The following CDH12 variants were observed in gnomAD, a reference collection of about 807,000 sequenced individuals.
The protein encoded by CDH12 is cadherin 12, also known as cadherin-12.
In CDH12, 41 loss-of-function variants were observed where a neutral mutation model predicts 74.1. The ratio of observed to expected loss-of-function variants is 0.55; its 90% confidence interval spans 0.43 to 0.72. CDH12 has a LOEUF of 0.72. CDH12 is among the 30% of genes least tolerant of loss of function. The probability of loss-of-function intolerance (pLI) is 0.00; values close to 1 mark genes in which losing one functional copy is unlikely to be tolerated. For missense variants in CDH12, 945 were observed against 977.2 expected, an observed-to-expected ratio of 0.97 and a Z score of 0.44; for synonymous variants, 399 against 355.0, an observed-to-expected ratio of 1.12 and a Z score of -1.39.
At chr5:22,098,665 AC>A (rs2150247002) in intron 4 of CDH12, among the ~76,000 whole-genome samples, 1 of 152,300 alleles carries the variant, frequency 6.6e-6, no homozygotes, top group South Asian at 2.1e-4. Context: ...GCCCACAATT[AC>A]AATTGTTCCT....
intron 3 of CDH12, among the ~76,000 whole-genome samples, chr5:22,353,393 T>A (rs1740434371): frequency 6.6e-6 from 1 of 152,168 alleles, no homozygotes; most frequent in Non-Finnish European, 1.5e-5. Flanking sequence ...TTTCCCACAT[T>A]TAACAATTCT....
chr5:21,961,641 G>A (rs1346916789), intron 6 of CDH12, among the ~76,000 whole-genome samples: 2 of 152,008 alleles, frequency 1.3e-5, no homozygotes, highest in Non-Finnish European at 2.9e-5. Flanking sequence ...TATGAAAGGG[G>A]GAAATTTGGA....
chr5:22,038,415 C>T (rs771757794), intron 5 of CDH12, among the ~76,000 whole-genome samples: 2 of 152,168 alleles, frequency 1.3e-5, no homozygotes, highest in Non-Finnish European at 2.9e-5. Flanking sequence ...GATGTTGCTG[C>T]TGTATCTGCC....
intron 5 of CDH12, among the ~76,000 whole-genome samples, chr5:22,067,485 T>A (rs1425977863): frequency 6.6e-6 from 1 of 152,118 alleles, no homozygotes; most frequent in African/African-American, 2.4e-5. Context: ...CTGAGTGATG[T>A]GAAATGCTGC....
chr5:22,830,571 A>G (rs1736554931), intron 1 of CDH12, among the ~76,000 whole-genome samples: 1 of 151,800 alleles, frequency 6.6e-6, no homozygotes, highest in Non-Finnish European at 1.5e-5. Context: ...TCAAATAGTT[A>G]CGTGCTCTCC....
In CDH12 at chr5:22,291,020, A is replaced by G. The variant is rs561496116; in HGVS notation, c.-332-78377T>C. On this transcript the variant is annotated intron_variant, in intron 3 of 14. Transcript: ENST00000382254. ...CAGTATATTTTACAAATAATTTATG[A>G]TGATCACGTGGGATTTATTCCAGGG... is the stretch of plus-strand genomic sequence containing the variant. Among the ~76,000 whole-genome samples the G allele has an allele frequency of 2.0e-5, 3 of 152,272 alleles. No individual in the cohort carries two copies. The South Asian group carries it at 6.2e-4, about 32-fold the overall frequency.
chr5:22,516,019 TGTTA>T (rs890247360), intron 1 of CDH12, among the ~76,000 whole-genome samples: 22 of 152,254 alleles, frequency 1.4e-4, no homozygotes, highest in African/African-American at 5.1e-4. Flanking sequence ...CTCATTAAAC[TGTTA>T]TTTAAAAAAT....
At chr5:21,927,491 T>C (rs184811981) in intron 6 of CDH12, among the ~76,000 whole-genome samples, 89 of 151,966 alleles carry the variant, frequency 5.9e-4, no homozygotes, top group Admixed American at 1.6e-3. Context: ...CTCAGGAAGC[T>C]GAGGCACAAG....
At chr5:22,376,696 T>A (rs2126365842) in intron 3 of CDH12, among the ~76,000 whole-genome samples, 1 of 149,846 alleles carries the variant, frequency 6.7e-6, no homozygotes, top group African/African-American at 2.4e-5. Flanking sequence ...TTTTTTTTTT[T>A]TTTTTTTTTA....
chr5:22,784,892 A>G (rs573995033), intron 1 of CDH12, among the ~76,000 whole-genome samples: 3 of 152,310 alleles, frequency 2.0e-5, no homozygotes, highest in South Asian at 2.1e-4. Flanking sequence ...TTTTCCTTAT[A>G]TAAGTTTAAA....
chr5:21,773,885 T>C (rs1047286633), intron 11 of CDH12, among the ~76,000 whole-genome samples: 3 of 152,218 alleles, frequency 2.0e-5, no homozygotes, highest in Admixed American at 6.5e-5. Flanking sequence ...GTTAACTTTA[T>C]ATAATAGCAT....
At chr5:22,464,973 C>T (rs1745665807) in intron 2 of CDH12, among the ~76,000 whole-genome samples, 1 of 138,326 alleles carries the variant, frequency 7.2e-6, no homozygotes, top group African/African-American at 2.8e-5. Flanking sequence ...GAAAGTCCAG[C>T]CTGGGTGAAA....
At chr5:22,649,740 C>T (rs182406847) in intron 1 of CDH12, among the ~76,000 whole-genome samples, 175 of 152,002 alleles carry the variant, frequency 1.2e-3, no homozygotes, top group African/African-American at 4.1e-3. Flanking sequence ...TTTCTATAAT[C>T]GCTTCAGAAA....
intron 1 of CDH12, among the ~76,000 whole-genome samples, chr5:22,727,964 G>A (rs1358715205): frequency 6.6e-6 from 1 of 151,474 alleles, no homozygotes; most frequent in African/African-American, 2.4e-5. Flanking sequence ...TTTCAATTTA[G>A]AAATTGTTGT....
chr5:22,177,295 C>T (rs945339161), intron 4 of CDH12, among the ~76,000 whole-genome samples: 32 of 151,942 alleles, frequency 2.1e-4, no homozygotes, highest in South Asian at 6.2e-4. Flanking sequence ...GCTTTTTTCT[C>T]ATTAGTTGTA....
intron 2 of CDH12, among the ~76,000 whole-genome samples, chr5:22,425,174 T>TATATAA (rs1561394308): frequency 5.2e-4 from 73 of 140,138 alleles, no homozygotes; most frequent in African/African-American, 2.0e-3. Flanking sequence ...TATATATAAA[T>TATATAA]ATATATATAT....
chr5:21,983,329 T>C (rs576247971), intron 5 of CDH12, among the ~76,000 whole-genome samples: 1 of 152,260 alleles, frequency 6.6e-6, no homozygotes, highest in East Asian at 1.9e-4. Flanking sequence ...CATTATCTTC[T>C]AGAAACCAAG....
intron 1 of CDH12, among the ~76,000 whole-genome samples, chr5:22,574,565 A>C (rs542490326): frequency 6.6e-6 from 1 of 152,272 alleles, no homozygotes; most frequent in African/African-American, 2.4e-5. Flanking sequence ...TTATGTAATA[A>C]ATTAATGACT....
At chr5:21,815,639 G>A (rs749259113) in intron 9 of CDH12, among the ~76,000 whole-genome samples, 6 of 151,800 alleles carry the variant, frequency 4.0e-5, no homozygotes, top group Non-Finnish European at 7.4e-5. Context: ...TCTCTCTCTC[G>A]GTTTCTTGGT....
Sources: allele counts gnomAD v4.1 joint callset (sites outside exome capture counted in the v4.1 genomes callset), GRCh38; gene constraint gnomAD v4.1.1; transcripts MANE v1.5; gene names NCBI Gene and HGNC (gene_info 2026-07-23, HGNC 2026-07-21).